GNPDA2: variants seen among roughly 807,000 people sequenced by gnomAD.
The protein encoded by GNPDA2 is glcN6P deaminase 2.
Under a neutral mutation model 27.0 loss-of-function variants are expected in GNPDA2, and 24 were observed. The ratio of observed to expected loss-of-function variants is 0.89; its 90% CI spans 0.64 to 1.25. GNPDA2 has a LOEUF of 1.25. Among genes scored for constraint, GNPDA2 ranks in the 50% most tolerant of loss-of-function variants. GNPDA2 has a pLI of 0.00. For missense variants in GNPDA2, 286 were observed against 335.1 expected (o/e 0.85, Z 1.14); for synonymous variants, 94 against 108.4 (o/e 0.87, Z 0.83).
chr4:44,724,003 C>T (rs1286905114), intron 1 of GNPDA2, among the ~76,000 whole-genome samples: 2 of 152,196 alleles, frequency 1.3e-5, no homozygotes, highest in Non-Finnish European at 2.9e-5. Context: ...CAATCCAAGG[C>T]ACTTTCCCCT....
chr4:44,702,740 C>T lies in GNPDA2; in HGVS notation c.*341G>A, dbSNP rs1565533. The T allele has an allele frequency of 1, 1,066,507 of 1,070,810 alleles. 531,261 individuals carry two copies. The highest frequency in any genetic ancestry group is 1 in the Non-Finnish European group (886,238 of 886,298). 66.3% of individuals were successfully genotyped at this position (1,070,810 alleles called of 1,614,324 possible). A position where few individuals can be genotyped will look rare whatever the true frequency, so the allele number is the denominator to read the frequency against. ...TCTTGTCATTAAAAAATGAAATATA[C>T]GCCACTGGAGTCATATCACAAATGG... On this transcript the variant is annotated 3_prime_UTR_variant, in exon 7 of 7. Coordinates refer to ENST00000295448, the MANE Select transcript of GNPDA2 (RefSeq NM_138335.3).
intron 2 of GNPDA2, among the ~76,000 whole-genome samples, chr4:44,719,931 G>C (rs996602772): frequency 6.6e-6 from 1 of 151,706 alleles, no homozygotes; most frequent in African/African-American, 2.4e-5. Context: ...CACAATATAG[G>C]GATAAGCAAG....
chr4:44,714,547 A>T, intron 4 of GNPDA2: 1 of 984,946 alleles, frequency 1.0e-6, no homozygotes, highest in Non-Finnish European at 1.2e-6. Context: ...GGAGTGAAAA[A>T]CCCCATTCTG....
intron 3 of GNPDA2, 46 bp from the exon 4 acceptor site, chr4:44,717,341 TAA>T: frequency 6.5e-6 from 7 of 1,084,948 alleles, no homozygotes; most frequent in Non-Finnish European, 9.1e-6. Context: ...GAAATAAATC[TAA>T]AGTTTATTTT....
rs768713720 is a variant in GNPDA2 at position 44,711,073 on chromosome 4, T to C, written c.474A>G (p.Arg158=). The part of the protein sequence containing the change: ...EPGSSLVSRT[R]LKTLAMDTIL... ...TGGTATCCATTGCTAGAGTCTTTAA[T>C]CTTGTCCTTGACACTAAACTGGATC... The change falls in exon 5 of 7, where the codon AGA becomes AGG. Residue 158 remains arginine, a synonymous_variant. Coordinates refer to ENST00000295448, the MANE Select transcript of GNPDA2 (RefSeq NM_138335.3). The C allele has an allele frequency of 3.1e-6, 5 of 1,612,968 alleles. No homozygotes were observed. The highest frequency in any genetic ancestry group is 1.7e-5 in the Admixed American group (1 of 59,816).
In GNPDA2 at chr4:44,702,736, T is replaced by TA; in HGVS notation, c.*344dup. ...AGTGTCTTGTCATTAAAAAATGAAA[T>TA]ATACGCCACTGGAGTCATATCACAA... On this transcript the variant is annotated 3_prime_UTR_variant, in exon 7 of 7. Coordinates refer to ENST00000295448, the MANE Select transcript of GNPDA2 (RefSeq NM_138335.3). 9.3e-7 allele frequency: 1 copy of TA among 1,077,836 alleles called. No individual in the cohort carries two copies. The highest frequency in any genetic ancestry group is 1.1e-6 in the Non-Finnish European group (1 of 890,428). The allele number at this position is 1,077,836 out of a possible 1,614,324, so 66.8% of individuals were successfully genotyped here.
At chr4:44,724,352 T>C in intron 1 of GNPDA2, among the ~76,000 whole-genome samples, 1 of 152,184 alleles carries the variant, frequency 6.6e-6, no homozygotes, top group East Asian at 1.9e-4. Flanking sequence ...TGAATGCGGG[T>C]ATCTTTTTGA....
chr4:44,711,267 A>G (rs1716963051), intron 4 of GNPDA2, 130 bp from the exon 5 acceptor site: 2 of 512,200 alleles, frequency 3.9e-6, no homozygotes, highest in Non-Finnish European at 3.2e-6. Context: ...CTGCATTAAA[A>G]TATTTGTTTC....
intron 5 of GNPDA2, among the ~76,000 whole-genome samples, chr4:44,709,427 T>C (rs1399355038): frequency 1.3e-5 from 2 of 152,168 alleles, no homozygotes; most frequent in African/African-American, 2.4e-5. Context: ...GGACAAACTA[T>C]ATGGAATAAT....
intron 4 of GNPDA2, 34 bp downstream of exon 4, chr4:44,717,075 CACTA>C: frequency 7.1e-7 from 1 of 1,402,848 alleles, no homozygotes. Context: ...CTAATTCAAA[CACTA>C]ACAAACAGTT....
chr4:44,717,495 T>C (rs1717379123), intron 3 of GNPDA2, among the ~76,000 whole-genome samples, 200 bp from the exon 4 acceptor site: 1 of 151,834 alleles, frequency 6.6e-6, no homozygotes, highest in Non-Finnish European at 1.5e-5. Flanking sequence ...AAAACATCTA[T>C]GGAACACTAT....
chr4:44,704,183 A>C (rs771309622), intron 6 of GNPDA2: 19 of 984,700 alleles, frequency 1.9e-5, no homozygotes, highest in Non-Finnish European at 2.2e-5. Context: ...ATGGGACTCT[A>C]AAGGAGGGAA....
chr4:44,714,556 T>G, intron 4 of GNPDA2: 1 of 985,358 alleles, frequency 1.0e-6, no homozygotes. Context: ...AACCCCATTC[T>G]GGCTTCAAGC....
chr4:44,712,874 A>G (rs549260907), intron 4 of GNPDA2, among the ~76,000 whole-genome samples: 4 of 152,228 alleles, frequency 2.6e-5, no homozygotes, highest in Non-Finnish European at 5.9e-5. Context: ...ATTCTTATTC[A>G]GCCTTTAAGT....
At chr4:44,703,809 C>G (rs1053579806) in intron 6 of GNPDA2, 1 of 985,208 alleles carries the variant, frequency 1.0e-6, no homozygotes, top group East Asian at 1.1e-4. Flanking sequence ...TGGGAAATAG[C>G]TGATCTTCCA....
At chr4:44,714,270 C>T (rs1051868186) in intron 4 of GNPDA2, 13 of 984,110 alleles carry the variant, frequency 1.3e-5, no homozygotes, top group Non-Finnish European at 1.6e-5. Context: ...CCACCGGATC[C>T]CAGCCCTAGA....
In GNPDA2 at chr4:44,710,947, G is replaced by A; in HGVS notation, c.594+6C>T. On this transcript the variant is annotated splice_donor_region_variant and intron_variant, in intron 5 of 6. Coordinates refer to ENST00000295448, the MANE Select transcript of GNPDA2 (RefSeq NM_138335.3). ...AGAAAGACAGCAAAGAATATTTAAT[G>A]CTTACTTCTCTAGCATCCATCACTG... The A allele has an allele frequency of 1.3e-6, 2 of 1,568,840 alleles. No homozygotes were observed. The highest frequency in any genetic ancestry group is 8.6e-7 in the Non-Finnish European group (1 of 1,160,828).
chr4:44,708,904 A>G (rs943369706), intron 5 of GNPDA2, among the ~76,000 whole-genome samples: 33 of 152,124 alleles, frequency 2.2e-4, no homozygotes, highest in Admixed American at 9.2e-4. Context: ...GAGAAATACT[A>G]TTCTTACTCA....
rs1046718127 is a variant in GNPDA2 at position 44,703,960 on chromosome 4, T to C, written c.770-818A>G. 6 of 984,366 alleles carry C rather than the reference T, an allele frequency of 6.1e-6. No homozygotes were observed. In the African/African-American group the frequency reaches 1.1e-4, roughly 17 times the overall value. 61.0% of individuals were successfully genotyped at this position (984,366 alleles called of 1,614,324 possible). A position where few individuals can be genotyped will look rare whatever the true frequency, so the allele number is the denominator to read the frequency against. On this transcript the variant is annotated intron_variant, in intron 6 of 6. Coordinates refer to ENST00000295448, the MANE Select transcript of GNPDA2 (RefSeq NM_138335.3). ...TTAAGTTTTCCAGGTATTAAGAACA[T>C]GGGAGGGTGGGGAAAGGCACTTAAT...
Sources: gnomAD v4.1 joint callset for allele counts (sites outside exome capture counted in the v4.1 genomes callset) on GRCh38, gnomAD v4.1.1 for gene constraint, MANE v1.5 for transcripts, NCBI Gene and HGNC (gene_info 2026-07-23, HGNC 2026-07-21) for gene names.